Variants in PRKCB observed in about 807,000 individuals in gnomAD.
PRKCB encodes the protein protein kinase C beta.
PRKCB carries 13 observed loss-of-function variants against 81.5 expected under a neutral mutation model. The observed-to-expected ratio is 0.16, with a 90% CI of 0.10 to 0.25. The LOEUF (loss-of-function observed/expected upper bound fraction) is 0.25. Ranked by LOEUF, PRKCB falls within the 10% of genes least tolerant of loss-of-function variation. PRKCB has a pLI of 1.00. For missense variants in PRKCB, 509 were observed against 875.7 expected (o/e 0.58, Z 5.29); for synonymous variants, 335 against 321.4 (o/e 1.04, Z -0.45).
chr16:24,035,283 T>A (rs755760403), intron 4 of PRKCB, 136 bp from the exon 5 acceptor site: 1 of 1,172,094 alleles, frequency 8.5e-7, no homozygotes, highest in Non-Finnish European at 1.2e-6. Flanking sequence ...GGCAAGTTGG[T>A]CTCAGCCAGG....
Position 24,160,686 on chromosome 16 carries a change from G to A in PRKCB, c.1239+5829G>A, listed in dbSNP as rs111346707. Among the ~76,000 whole-genome samples the A allele has an allele frequency of 4.6e-5, 7 of 152,314 alleles. 1 individual carries two copies. The highest frequency in any genetic ancestry group is 1.3e-4 in the Admixed American group (2 of 15,298). On this transcript the variant is annotated intron_variant, in intron 10 of 16. Coordinates refer to ENST00000643927, the MANE Select transcript of PRKCB (RefSeq NM_002738.7). The stretch of plus-strand genomic sequence containing the variant: ...CTTTGGAATTTACATTCTCTTGGGG[G>A]AGACTGATAATAAACTATAATAATG...
chr16:23,915,597 T>C (rs2141738367), intron 2 of PRKCB, among the ~76,000 whole-genome samples: 1 of 144,108 alleles, frequency 6.9e-6, no homozygotes, highest in South Asian at 2.2e-4. Context: ...GACACTGAAG[T>C]AGGATGATTG....
chr16:24,016,694 TC>T (rs1172939765), intron 3 of PRKCB, among the ~76,000 whole-genome samples: 1 of 152,158 alleles, frequency 6.6e-6, no homozygotes, highest in African/African-American at 2.4e-5. Context: ...AAAAATCTTT[TC>T]TGGAAAAACA....
At chr16:24,046,346 C>T (rs1038693992) in intron 5 of PRKCB, among the ~76,000 whole-genome samples, 1 of 152,258 alleles carries the variant, frequency 6.6e-6, no homozygotes, top group Admixed American at 6.5e-5. Flanking sequence ...CTGGGCACTG[C>T]TTACAGGCAA....
intron 2 of PRKCB, among the ~76,000 whole-genome samples, chr16:23,927,797 G>A (rs1435370901): frequency 6.6e-6 from 1 of 152,064 alleles, no homozygotes; most frequent in Non-Finnish European, 1.5e-5. Context: ...GCTTTTGACA[G>A]AGATAGAACC....
At chr16:23,849,211 T>C (rs1962429966) in intron 2 of PRKCB, among the ~76,000 whole-genome samples, 1 of 152,264 alleles carries the variant, frequency 6.6e-6, no homozygotes, top group Non-Finnish European at 1.5e-5. Context: ...TGGTAGCATT[T>C]CAACTTTAAA....
intron 9 of PRKCB, among the ~76,000 whole-genome samples, chr16:24,138,085 A>G (rs1295018962): frequency 6.6e-6 from 1 of 152,208 alleles, no homozygotes; most frequent in Admixed American, 6.5e-5. Context: ...CAGAGTCTCT[A>G]TTTTGCAGAT....
chr16:24,115,760 C>T (rs978882997), intron 8 of PRKCB, among the ~76,000 whole-genome samples: 3 of 152,140 alleles, frequency 2.0e-5, no homozygotes, highest in Non-Finnish European at 4.4e-5. Context: ...GAGTCTTTCT[C>T]TGTCACCCAG....
At chr16:24,162,105 C>T (rs1967265747) in intron 10 of PRKCB, among the ~76,000 whole-genome samples, 1 of 151,946 alleles carries the variant, frequency 6.6e-6, no homozygotes. Context: ...AAATTTGCTG[C>T]CATGGCCCAG....
chr16:24,195,062 G>A (rs890773410), intron 16 of PRKCB, among the ~76,000 whole-genome samples: 1 of 152,072 alleles, frequency 6.6e-6, no homozygotes, highest in Non-Finnish European at 1.5e-5. Flanking sequence ...ACGTTGGTGG[G>A]CGTGATAGCA....
intron 2 of PRKCB, among the ~76,000 whole-genome samples, chr16:23,919,492 A>G (rs1963792742): frequency 6.6e-6 from 1 of 151,966 alleles, no homozygotes; most frequent in Non-Finnish European, 1.5e-5. Flanking sequence ...ATATCTCTAT[A>G]TTTTGAAATG....
chr16:24,193,463 A>T (rs1967826952), intron 16 of PRKCB, among the ~76,000 whole-genome samples: 1 of 91,122 alleles, frequency 1.1e-5, no homozygotes, highest in Non-Finnish European at 2.6e-5. Flanking sequence ...AAATAAATAA[A>T]TAAATAAATA....
chr16:23,971,204 A>G (rs1964550922), intron 2 of PRKCB, among the ~76,000 whole-genome samples: 1 of 152,236 alleles, frequency 6.6e-6, no homozygotes, highest in Non-Finnish European at 1.5e-5. Context: ...ATCTCCATCG[A>G]TCAGCTCTAA....
intron 2 of PRKCB, among the ~76,000 whole-genome samples, chr16:23,846,023 T>C (rs1962361085): frequency 6.6e-6 from 1 of 152,214 alleles, no homozygotes; most frequent in Admixed American, 6.5e-5. Flanking sequence ...CCAAATACCT[T>C]CCTCACCCTG....
At chr16:23,873,759 C>T (rs1378026282) in intron 2 of PRKCB, among the ~76,000 whole-genome samples, 1 of 152,236 alleles carries the variant, frequency 6.6e-6, no homozygotes. Flanking sequence ...GTCTGCCAGG[C>T]ATGAGCTGAG....
In PRKCB at chr16:24,114,438, C is replaced by T. The variant is rs552830305; in HGVS notation, c.918+1369C>T. Among the ~76,000 whole-genome samples the T allele has an allele frequency of 2.0e-3, 301 of 151,886 alleles. 2 individuals carry two copies. Among genetic ancestry groups the T allele is most frequent in the South Asian group, 1.5e-3 (7 of 4,792 alleles). On this transcript the variant is annotated intron_variant, in intron 8 of 16. Transcript: ENST00000643927. ...TTCATGAAATACCCTGGGGGTAGAT[C>T]TTCCCAGAGAATAGTTTTATCAAAT... is the stretch of plus-strand genomic sequence containing the variant.
At chr16:23,851,458 T>A (rs1962471659) in intron 2 of PRKCB, among the ~76,000 whole-genome samples, 1 of 152,220 alleles carries the variant, frequency 6.6e-6, no homozygotes, top group South Asian at 2.1e-4. Flanking sequence ...GTTTTTATGC[T>A]AGTACCGTGC....
chr16:23,934,351 T>TA (rs1356029921), intron 2 of PRKCB, among the ~76,000 whole-genome samples: 3 of 149,038 alleles, frequency 2.0e-5, no homozygotes, highest in Non-Finnish European at 4.5e-5. Flanking sequence ...TTAAAAGCTC[T>TA]AGTTTTCCCT....
At chr16:23,848,735 A>AGCAAG (rs1567288884) in intron 2 of PRKCB, among the ~76,000 whole-genome samples, 1 of 152,216 alleles carries the variant, frequency 6.6e-6, no homozygotes, top group Non-Finnish European at 1.5e-5. Flanking sequence ...TGGGACCTTA[A>AGCAAG]GCAAGTTACT....
Sources: gnomAD v4.1 joint callset for allele counts (sites outside exome capture counted in the v4.1 genomes callset) on GRCh38, gnomAD v4.1.1 for gene constraint, MANE v1.5 for transcripts, NCBI Gene and HGNC (gene_info 2026-07-23, HGNC 2026-07-21) for gene names.